Variants in GOLGB1 observed in about 807,000 individuals in gnomAD.
GOLGB1 encodes the protein golgin B1, also known as golgin subfamily B member 1.
In GOLGB1, 174 loss-of-function variants were observed where a neutral mutation model predicts 336.9. That is an observed-to-expected ratio of 0.52 (90% CI 0.46 to 0.59). The LOEUF (loss-of-function observed/expected upper bound fraction) is 0.59. Among genes scored for constraint, GOLGB1 ranks in the 20% least tolerant of loss-of-function variants. GOLGB1 has a pLI of 0.00. For missense variants in GOLGB1, 3,331 were observed against 3,645.3 expected (o/e 0.91, Z 2.22); for synonymous variants, 1,208 against 1,289.2 (o/e 0.94, Z 1.35).
Position 121,696,550 on chromosome 3 carries a change from C to G in GOLGB1, c.3973G>C (p.Glu1325Gln). Residue 1325 changes from glutamate (E) to glutamine (Q), a missense_variant, in exon 13 of 22, where the codon GAG (glutamate) becomes CAG (glutamine). Coordinates refer to ENST00000614479, the MANE Select transcript of GOLGB1 (RefSeq NM_001366282.2). ...GTAGAACTAACTTTCAATTCTAACT[C>G]TACTTTCTCAGCCTCTATTTCCTTC... is the stretch of plus-strand genomic sequence containing the variant. ...QLKEIEAEKVELELKVSSTTS... is the reference protein window; with the variant it reads ...QLKEIEAEKVQLELKVSSTTS... 2 of 1,614,198 alleles carry G rather than the reference C, an allele frequency of 1.2e-6. No homozygotes were observed. The highest frequency in any genetic ancestry group is 2.2e-5 in the South Asian group (2 of 91,084).
At chr3:121,747,843 T>C (rs1429363238) in intron 1 of GOLGB1, among the ~76,000 whole-genome samples, 3 of 152,080 alleles carry the variant, frequency 2.0e-5, no homozygotes, top group Non-Finnish European at 4.4e-5. Context: ...AAATTTCCTT[T>C]TATCAAAAGC....
chr3:121,722,473 A>G, intron 5 of GOLGB1, 95 bp from the exon 6 acceptor site: 1 of 666,444 alleles, frequency 1.5e-6, no homozygotes, highest in Admixed American at 2.5e-5. Flanking sequence ...CTTAACCTAA[A>G]TGCCTACCAT....
Position 121,696,346 on chromosome 3 carries a change from T to G in GOLGB1, c.4177A>C (p.Arg1393=). 1.2e-6 allele frequency: 2 copies of G among 1,614,182 alleles called. No homozygotes were observed. The highest frequency in any genetic ancestry group is 1.7e-6 in the Non-Finnish European group (2 of 1,180,002). ...TCATCCAGTTTAGGTTGCAATTCTCTTAGATGTTCTAGGCCAGCAATTTGT... is the reference window on the plus strand; with the variant it reads ...TCATCCAGTTTAGGTTGCAATTCTCGTAGATGTTCTAGGCCAGCAATTTGT... ...QLQIAGLEHL[R]ELQPKLDELQ... is the part of the protein sequence containing the mutation. Residue 1393 remains arginine, a synonymous_variant, in exon 13 of 22, where the codon AGA becomes CGA. Coordinates refer to ENST00000614479, the MANE Select transcript of GOLGB1 (RefSeq NM_001366282.2).
chr3:121,726,305 A>G (rs1437580555), intron 5 of GOLGB1, among the ~76,000 whole-genome samples: 1 of 151,034 alleles, frequency 6.6e-6, no homozygotes. Context: ...ATGGTGGTGC[A>G]TGCCTGTAAT....
In GOLGB1 at chr3:121,688,332, C is replaced by T. The variant is rs376912627; in HGVS notation, c.8694+2338G>A. On this transcript the variant is annotated intron_variant, in intron 14 of 21. Transcript: ENST00000614479. The stretch of plus-strand genomic sequence containing the variant: ...TGCCGAGTGCCTGCGATTGCAGGCG[C>T]GCGCCGCCACGCCTGACTGGTTTTC... 1.1e-4 allele frequency among the ~76,000 whole-genome samples: 17 copies of T among 152,308 alleles called. No individual in the cohort carries two copies. In the East Asian group the frequency reaches 2.3e-3, roughly 21 times the overall value.
chr3:121,734,691 T>C (rs1414970742), intron 1 of GOLGB1, among the ~76,000 whole-genome samples: 2 of 152,206 alleles, frequency 1.3e-5, no homozygotes, highest in Non-Finnish European at 2.9e-5. Flanking sequence ...TGCTAAAATA[T>C]GTATTTTTTA....
chr3:121,712,436 T>C (rs959507440), intron 10 of GOLGB1, among the ~76,000 whole-genome samples: 8 of 150,150 alleles, frequency 5.3e-5, no homozygotes, highest in Admixed American at 1.3e-4. Context: ...AAAAAAACAA[T>C]AAAAAATGAT....
At position 121,669,209 on chromosome 3, in the gene GOLGB1, C is replaced by T; in HGVS notation, c.9321+3G>A. ...CCCAGTCTCTCACCTTCTCTTTACT[C>T]ACCGCCTGCAGCTCTTGAACCTGCT... is the stretch of plus-strand genomic sequence containing the variant. On this transcript the variant is annotated splice_donor_region_variant and intron_variant, in intron 18 of 21. Transcript: ENST00000614479. The T allele has an allele frequency of 6.2e-7, 1 of 1,613,338 alleles. No individual in the cohort carries two copies. Among genetic ancestry groups the T allele is most frequent in the Non-Finnish European group, 8.5e-7 (1 of 1,179,842 alleles).
At chr3:121,674,069 A>G (rs573640181) in intron 17 of GOLGB1, among the ~76,000 whole-genome samples, 1 of 152,344 alleles carries the variant, frequency 6.6e-6, no homozygotes, top group South Asian at 2.1e-4. Context: ...GTTGGCATAT[A>G]TAAATGCTAC....
chr3:121,735,307 G>A (rs144662755), intron 1 of GOLGB1, among the ~76,000 whole-genome samples: 1 of 152,224 alleles, frequency 6.6e-6, no homozygotes, highest in East Asian at 1.9e-4. Flanking sequence ...CCTCAGCCAG[G>A]ATGTCAGGAG....
At chr3:121,686,869 T>C (rs1576317762) in intron 14 of GOLGB1, among the ~76,000 whole-genome samples, 1 of 152,092 alleles carries the variant, frequency 6.6e-6, no homozygotes, top group African/African-American at 2.4e-5. Flanking sequence ...ATAATATGGG[T>C]AAGTAGGAAG....
In GOLGB1 at chr3:121,694,242, C is replaced by A. The variant is rs745565219; in HGVS notation, c.6281G>T (p.Ser2094Ile). ...GTCTGCTAGGACCCTTGCTGCTTCA[C>A]TTTGAGTGTCATCTAGCAGGACTTT... The part of the protein sequence containing the change: ...SFKVLLDDTQ[S>I]EAARVLADNL... Residue 2094 changes from serine to isoleucine, a missense_variant, in exon 13 of 22, where the codon AGT (serine) becomes ATT (isoleucine). Ser to Ile is a moderately radical substitution (Grantham distance 142). Transcript: ENST00000614479. The A allele has an allele frequency of 3.1e-6, 5 of 1,610,710 alleles. No homozygotes were observed. The highest frequency in any genetic ancestry group is 4.2e-6 in the Non-Finnish European group (5 of 1,180,030).
At chr3:121,723,971 C>T (rs2108213552) in intron 5 of GOLGB1, among the ~76,000 whole-genome samples, 1 of 152,260 alleles carries the variant, frequency 6.6e-6, no homozygotes, top group African/African-American at 2.4e-5. Flanking sequence ...CCAGATGCAG[C>T]CTCTCACCCT....
intron 6 of GOLGB1, among the ~76,000 whole-genome samples, chr3:121,721,518 A>G (rs904563024): frequency 1.3e-5 from 2 of 152,168 alleles, no homozygotes; most frequent in African/African-American, 4.8e-5. Context: ...AGTCCCAGCT[A>G]CTTGGGAAGC....
In GOLGB1 at chr3:121,719,678, T is replaced by C. The variant is rs1295931026; in HGVS notation, c.739A>G (p.Thr247Ala). The C allele has an allele frequency of 6.2e-7, 1 of 1,610,932 alleles. No individual in the cohort carries two copies. The highest frequency in any genetic ancestry group is 1.3e-5 in the African/African-American group (1 of 74,804). ...LHEDELLQLV[T>A]QADVETEMQQ... Reference sequence around the variant, plus strand: ...ATCTCTGTTTCCACATCTGCCTGGGTTACTAACTGAAGAAGCTCATCTTCA... The same window carrying C: ...ATCTCTGTTTCCACATCTGCCTGGGCTACTAACTGAAGAAGCTCATCTTCA... Residue 247 changes from threonine to alanine, a missense_variant, in exon 7 of 22, where the codon ACC (threonine) becomes GCC (alanine). Coordinates refer to ENST00000614479, the MANE Select transcript of GOLGB1 (RefSeq NM_001366282.2).
rs1009597017 is a variant in GOLGB1, at chr3:121,695,346, T to C, written c.5177A>G (p.Asn1726Ser). ...TTCAAGTTCTTCCTTCATGCTGGCA[T>C]TGGAAGAAAGAAGTGTTTCCATACA... is the stretch of plus-strand genomic sequence containing the variant. ...KECMETLLSS[N>S]ASMKEELERV... Residue 1726 changes from asparagine to serine, a missense_variant, in exon 13 of 22, where the codon AAT becomes AGT. Physicochemically the swap from Asn to Ser is conservative, Grantham distance 46 (BLOSUM62 1). Transcript: ENST00000614479. 7 of 1,614,102 alleles carry C rather than the reference T, an allele frequency of 4.3e-6. No individual in the cohort carries two copies. The highest frequency in any genetic ancestry group is 5.9e-6 in the Non-Finnish European group (7 of 1,179,988).
chr3:121,690,670 T>A lies in GOLGB1; in HGVS notation c.8694A>T (p.Leu2898=). Residue 2898 remains leucine, a splice_region_variant and synonymous_variant, in exon 14 of 22, where the codon CTA becomes CTT. Transcript: ENST00000614479. ...MSSLQNDRDR[L]LKELKNLQQQ... ...CAGAAAGAAAGAACTAGCTACTCAC[T>A]AGTCTGTCTCTGTCATTTTGGAGTG... The A allele has an allele frequency of 6.9e-7, 1 of 1,447,404 alleles. No homozygotes were observed. The highest frequency in any genetic ancestry group is 2.0e-4 in the Middle Eastern group (1 of 5,062). 89.7% of individuals were successfully genotyped at this position (1,447,404 alleles called of 1,614,324 possible).
chr3:121,683,889 G>A (rs963754170), intron 14 of GOLGB1, among the ~76,000 whole-genome samples: 1 of 152,010 alleles, frequency 6.6e-6, no homozygotes, highest in Non-Finnish European at 1.5e-5. Flanking sequence ...CAGCACTTTG[G>A]GGGGCCGAGG....
chr3:121,701,929 C>T (rs1262700691), intron 11 of GOLGB1, among the ~76,000 whole-genome samples: 1 of 152,104 alleles, frequency 6.6e-6, no homozygotes, highest in Non-Finnish European at 1.5e-5. Flanking sequence ...TTTAACCCAA[C>T]TTTTGGGGAC....
Sources: gnomAD v4.1 joint callset for allele counts (sites outside exome capture counted in the v4.1 genomes callset) on GRCh38, gnomAD v4.1.1 for gene constraint, MANE v1.5 for transcripts, NCBI Gene and HGNC (gene_info 2026-07-23, HGNC 2026-07-21) for gene names.